Variants in DENND3 observed in about 807,000 individuals in gnomAD.
DENND3 encodes DENN domain-containing protein 3.
A neutral mutation model predicts 135.1 loss-of-function variants in DENND3; 88 were observed. The ratio of observed to expected loss-of-function variants is 0.65; its 90% confidence interval spans 0.55 to 0.78. DENND3 has a LOEUF of 0.78. DENND3 is among the 30% of genes least tolerant of loss of function. DENND3 has a pLI of 0.00. For synonymous variants in DENND3, 693 were observed against 712.3 expected (o/e 0.97, Z 0.43); for missense variants, 1,392 against 1,688.4 (o/e 0.82, Z 3.08).
chr8:141,133,444 A>G (rs890745914), intron 1 of DENND3, among the ~76,000 whole-genome samples: 3 of 152,158 alleles, frequency 2.0e-5, no homozygotes, highest in African/African-American at 7.2e-5. Flanking sequence ...GCCACAAAGT[A>G]TCTGGTTTGC....
intron 5 of DENND3, chr8:141,150,256 G>A (rs1346561638): frequency 1.6e-6 from 2 of 1,223,528 alleles, no homozygotes; most frequent in Non-Finnish European, 1.1e-6. Context: ...TGAAGGAACT[G>A]AACCTTCTCC....
chr8:141,136,436 A>G lies in DENND3; in HGVS notation c.103-73A>G, dbSNP rs1159497872. ...AGGGGAGGAGAAAAACAAGCAGTGAAGCTCAGACAGAAAGGATACCCTCGA... is the reference window on the plus strand; with the variant it reads ...AGGGGAGGAGAAAAACAAGCAGTGAGGCTCAGACAGAAAGGATACCCTCGA... On this transcript the variant is annotated intron_variant, in intron 1 of 22. Coordinates refer to ENST00000519811, the MANE Select transcript of DENND3 (RefSeq NM_001352890.3). 13 of 1,416,936 alleles carry G rather than the reference A, an allele frequency of 9.2e-6. No homozygotes were observed. In the Admixed American group the frequency reaches 1.5e-4, roughly 16 times the overall value. 87.8% of individuals were successfully genotyped at this position (1,416,936 alleles called of 1,614,324 possible). A position where few individuals can be genotyped will look rare whatever the true frequency, so the allele number is the denominator to read the frequency against.
rs546140892 is a variant in DENND3, at chr8:141,171,980, T to C, written c.2276-3220T>C. On this transcript the variant is annotated intron_variant, in intron 13 of 22. Transcript: ENST00000519811. ...CACTGTGGTAGGTGTGAACAGTGGG[T>C]GTGCATGGTGGTGGCCGTGCACAGT... Among the ~76,000 whole-genome samples, 25 of 148,766 alleles carry C rather than the reference T, an allele frequency of 1.7e-4. No homozygotes were observed. The East Asian group carries it at 4.8e-3, about 29-fold the overall frequency.
chr8:141,185,444 T>A, intron 18 of DENND3, 166 bp downstream of exon 18: 1 of 882,930 alleles, frequency 1.1e-6, no homozygotes, highest in Non-Finnish European at 1.7e-6. Context: ...AAATTAAATG[T>A]AAGCTTGTTC....
intron 13 of DENND3, among the ~76,000 whole-genome samples, chr8:141,170,276 C>T (rs373221759): frequency 5.9e-5 from 9 of 152,148 alleles, no homozygotes; most frequent in South Asian, 2.1e-4. Context: ...GTCTCTCTTC[C>T]GGCTGTGAAA....
At chr8:141,186,763 G>C (rs1823945049) in intron 18 of DENND3, among the ~76,000 whole-genome samples, 1 of 152,200 alleles carries the variant, frequency 6.6e-6, no homozygotes, top group Non-Finnish European at 1.5e-5. Flanking sequence ...ATGGTATCTT[G>C]AGTGTGGAAG....
At position 141,128,951 on chromosome 8, in the gene DENND3, G is replaced by A. The variant is rs1281799563; in HGVS notation, c.102+142G>A. The A allele has an allele frequency of 2.3e-5, 14 of 604,132 alleles. No individual in the cohort carries two copies. The highest frequency in any genetic ancestry group is 3.3e-5 in the Non-Finnish European group (13 of 396,640). 37.4% of individuals were successfully genotyped at this position (604,132 alleles called of 1,614,324 possible). A position where few individuals can be genotyped will look rare whatever the true frequency, so the allele number is the denominator to read the frequency against. ...CCCGGTCCCCCGGCGGTGACCCCGC[G>A]CGCCTGTGGCCGGGGATCGCGCCCG... is the stretch of plus-strand genomic sequence containing the variant. On this transcript the variant is annotated intron_variant, in intron 1 of 22. Coordinates refer to ENST00000519811, the MANE Select transcript of DENND3 (RefSeq NM_001352890.3). This position sits in a 1 kb window ranked among gnomAD's most constrained non-coding sequence, Gnocchi z 4.5.
chr8:141,163,577 C>G, intron 10 of DENND3, 148 bp downstream of exon 10: 1 of 504,232 alleles, frequency 2.0e-6, no homozygotes, highest in Non-Finnish European at 3.6e-6. Context: ...CCATGTGGCT[C>G]TCCCTCTTTT....
rs1666676797 is a variant in DENND3, at chr8:141,163,553, A to T, written c.1449+124A>T. 6.7e-6 allele frequency: 4 copies of T among 593,594 alleles called. No homozygotes were observed. In the South Asian group the frequency reaches 1.2e-4, roughly 17 times the overall value. 36.8% of individuals were successfully genotyped at this position (593,594 alleles called of 1,614,324 possible). On this transcript the variant is annotated intron_variant, in intron 10 of 22. Coordinates refer to ENST00000519811, the MANE Select transcript of DENND3 (RefSeq NM_001352890.3). ...ACTTTTCCAAAAAGTTTGTTTTAGCATGGTTCCTTTTGACCATGTGGCTCT... is the reference window on the plus strand; with the variant it reads ...ACTTTTCCAAAAAGTTTGTTTTAGCTTGGTTCCTTTTGACCATGTGGCTCT...
intron 17 of DENND3, chr8:141,184,903 C>T (rs1393734643): frequency 2.2e-6 from 1 of 456,838 alleles, no homozygotes; most frequent in Non-Finnish European, 3.9e-6. Context: ...GGCTCTGCAT[C>T]TGCCTGCGGC....
intron 8 of DENND3, 54 bp from the exon 9 acceptor site, chr8:141,160,578 C>A: frequency 6.7e-7 from 1 of 1,493,036 alleles, no homozygotes; most frequent in Non-Finnish European, 9.0e-7. Flanking sequence ...TGCTGGTGAG[C>A]GGCCGTGGCC....
intron 6 of DENND3, 125 bp from the exon 7 acceptor site, chr8:141,151,494 G>A (rs768580757): frequency 1.2e-5 from 10 of 854,098 alleles, no homozygotes; most frequent in Non-Finnish European, 1.8e-5. Flanking sequence ...CCAGGAGTTC[G>A]AGGCTGCAGT....
chr8:141,193,926 ACATAGATTTGGAGG>A lies in DENND3; in HGVS notation c.3637-104_3637-91del. On this transcript the variant is annotated intron_variant, in intron 22 of 22. Coordinates refer to ENST00000519811, the MANE Select transcript of DENND3 (RefSeq NM_001352890.3). The stretch of plus-strand genomic sequence containing the variant: ...GCGGCAGAGGCCCTGTCCAGGAAGG[ACATAGATTTGGAGG>A]CACACGCGTCAATTCTGGGTAGCCG... 6 of 1,253,022 alleles carry A rather than the reference ACATAGATTTGGAGG, an allele frequency of 4.8e-6. No individual in the cohort carries two copies. In the South Asian group the frequency reaches 8.2e-5, roughly 17 times the overall value. The allele number at this position is 1,253,022 out of a possible 1,614,324, so 77.6% of individuals were successfully genotyped here.
chr8:141,152,899 G>A (rs530938929), intron 7 of DENND3, among the ~76,000 whole-genome samples: 74 of 152,230 alleles, frequency 4.9e-4, no homozygotes, highest in South Asian at 4.4e-3. Flanking sequence ...CCTAACGTCC[G>A]CGCCAGCGCT....
intron 13 of DENND3, chr8:141,173,493 T>C (rs1821921477): frequency 1.3e-5 from 2 of 152,222 alleles, no homozygotes; most frequent in South Asian, 4.1e-4. Flanking sequence ...ATGTAAGAGA[T>C]GAGGAAATTT....
At chr8:141,161,856 A>G (rs528921534) in intron 9 of DENND3, among the ~76,000 whole-genome samples, 1 of 143,384 alleles carries the variant, frequency 7.0e-6, no homozygotes, top group African/African-American at 2.6e-5. Context: ...CCTGGAATGC[A>G]GTGACGCCAT....
At chr8:141,133,605 G>T (rs1269380036) in intron 1 of DENND3, among the ~76,000 whole-genome samples, 1 of 152,180 alleles carries the variant, frequency 6.6e-6, no homozygotes, top group Non-Finnish European at 1.5e-5. Context: ...GGAGCCACGG[G>T]TCTTGCAGGT....
chr8:141,181,922 A>G (rs1823172860), intron 17 of DENND3, among the ~76,000 whole-genome samples: 1 of 151,868 alleles, frequency 6.6e-6, no homozygotes, highest in Non-Finnish European at 1.5e-5. Flanking sequence ...ATCGGCTTGT[A>G]CCACCAAATC....
In DENND3 at chr8:141,144,422, C is replaced by G. The variant is rs991733624; in HGVS notation, c.735+163C>G. 6.6e-6 allele frequency among the ~76,000 whole-genome samples: 1 copy of G among 152,112 alleles called. No individual in the cohort carries two copies. The highest frequency in any genetic ancestry group is 1.5e-5 in the Non-Finnish European group (1 of 68,022). ...TCCCCACAGCTGACTGACTGGACCC[C>G]CTTTTGGCCAAGGGGACCCCAGAGA... On this transcript the variant is annotated intron_variant, in intron 5 of 22. Transcript: ENST00000519811. This position sits in a 1 kb window ranked among gnomAD's most constrained non-coding sequence, Gnocchi z 4.4.
Sources: allele counts gnomAD v4.1 joint callset (sites outside exome capture counted in the v4.1 genomes callset), GRCh38; gene constraint gnomAD v4.1.1; non-coding constraint Gnocchi (gnomAD v3.1); transcripts MANE v1.5; gene names NCBI Gene and HGNC (gene_info 2026-07-23, HGNC 2026-07-21).